Variants in TBC1D8 observed in about 807,000 individuals in gnomAD.
TBC1D8 encodes the protein BUB2-like protein 1.
In TBC1D8, 65 loss-of-function variants were observed where a neutral mutation model predicts 118.8. The ratio of observed to expected loss-of-function variants is 0.55; its 90% CI spans 0.45 to 0.67. The LOEUF is 0.67. Ranked by LOEUF, TBC1D8 falls within the 30% of genes least tolerant of loss-of-function variation. The pLI is 0.00. For missense variants in TBC1D8, 1,376 were observed against 1,471.2 expected, an observed-to-expected ratio of 0.94 and a Z score of 1.06; for synonymous variants, 566 against 595.8, an observed-to-expected ratio of 0.95 and a Z score of 0.73.
rs759599916 is a variant in TBC1D8 at position 101,022,422 on chromosome 2, G to C, written c.2620C>G (p.Arg874Gly). ...PYAEQYRIDA[R>G]QFAHLFQLVS... ...AGCTGAAACAGGTGTGCAAACTGCC[G>C]GGCATCTATGCGGTACTGCTCAGCA... Residue 874 changes from arginine (R) to glycine (G), a missense_variant, in exon 16 of 20, where the codon CGG becomes GGG. Arg to Gly is a moderately radical substitution (Grantham distance 125, BLOSUM62 -2). Coordinates refer to ENST00000409318, the MANE Select transcript of TBC1D8 (RefSeq NM_001330348.2). 6.2e-7 allele frequency: 1 copy of C among 1,613,234 alleles called. No homozygotes were observed. The highest frequency in any genetic ancestry group is 1.7e-5 in the Admixed American group (1 of 59,764).
intron 7 of TBC1D8, 121 bp from the exon 8 acceptor site, chr2:101,037,829 A>AGG: frequency 8.0e-7 from 1 of 1,247,022 alleles, no homozygotes; most frequent in African/African-American, 1.5e-5. Flanking sequence ...TCAATGACTC[A>AGG]GGGGGAAGAC....
chr2:101,132,334 C>T (rs186970603), intron 1 of TBC1D8, among the ~76,000 whole-genome samples: 35 of 152,312 alleles, frequency 2.3e-4, no homozygotes, highest in Non-Finnish European at 4.7e-4. Flanking sequence ...GAGCAGTCAT[C>T]AACTCCAGTG....
chr2:101,042,572 A>C (rs1210444451), intron 5 of TBC1D8, among the ~76,000 whole-genome samples: 6 of 152,196 alleles, frequency 3.9e-5, no homozygotes, highest in Non-Finnish European at 5.9e-5. Flanking sequence ...GGTAAAACAG[A>C]AACTAGGCAT....
Position 101,028,297 on chromosome 2 carries a change from C to T in TBC1D8, c.2352+6G>A, listed in dbSNP as rs556696153. 9.3e-6 allele frequency: 15 copies of T among 1,609,740 alleles called. No individual in the cohort carries two copies. The highest frequency in any genetic ancestry group is 6.7e-5 in the East Asian group (3 of 44,786). ...CAACGGGGCATGGGGCGGGGGTTCC[C>T]GTTACCTCATAGGAATCCCGGATCA... On this transcript the variant is annotated splice_donor_region_variant and intron_variant, in intron 13 of 19. Transcript: ENST00000409318.
At position 101,061,764 on chromosome 2, in the gene TBC1D8, G is replaced by A. The variant is rs191208457; in HGVS notation, c.284-2225C>T. On this transcript the variant is annotated intron_variant, in intron 2 of 19. Coordinates refer to ENST00000409318, the MANE Select transcript of TBC1D8 (RefSeq NM_001330348.2). ...AGCTTCCTCTGAGGTGAGGGGTCCC[G>A]GTCCTCTTGCTCTCCACTTCCTGCC... 8.5e-5 allele frequency among the ~76,000 whole-genome samples: 13 copies of A among 152,270 alleles called. No homozygotes were observed. The East Asian group carries it at 9.7e-4, about 11-fold the overall frequency.
At chr2:101,138,295 G>A (rs1277837643) in intron 1 of TBC1D8, among the ~76,000 whole-genome samples, 13 of 151,862 alleles carry the variant, frequency 8.6e-5, no homozygotes, top group Admixed American at 8.5e-4. Context: ...AATTGTTTTG[G>A]TGGTAAAAGA....
intron 2 of TBC1D8, among the ~76,000 whole-genome samples, chr2:101,065,727 T>C (rs1682977210): frequency 6.6e-6 from 1 of 152,168 alleles, no homozygotes; most frequent in Non-Finnish European, 1.5e-5. Flanking sequence ...TCAAGTGAAA[T>C]TAAAGAGTCC....
intron 17 of TBC1D8, among the ~76,000 whole-genome samples, chr2:101,017,429 C>G (rs1311218733): frequency 6.6e-6 from 1 of 152,090 alleles, no homozygotes; most frequent in Non-Finnish European, 1.5e-5. Flanking sequence ...TTGTTTACAC[C>G]AGCATCATCA....
intron 1 of TBC1D8, among the ~76,000 whole-genome samples, chr2:101,141,981 G>A (rs1679126319): frequency 6.6e-6 from 1 of 152,110 alleles, no homozygotes; most frequent in Non-Finnish European, 1.5e-5. Context: ...GTATCTTAGT[G>A]GTTCTAAGAT....
At position 101,073,079 on chromosome 2, in the gene TBC1D8, G is replaced by C. The variant is rs146653408; in HGVS notation, c.284-13540C>G. On this transcript the variant is annotated intron_variant, in intron 2 of 19. Transcript: ENST00000409318. The stretch of plus-strand genomic sequence containing the variant: ...AGAATACATTTACCATAGTTCTTAA[G>C]GGCCCTAGGATTTTCAGAATGGTCA... 1.3e-3 allele frequency among the ~76,000 whole-genome samples: 191 copies of C among 152,138 alleles called. 3 individuals are homozygous for C. The highest frequency in any genetic ancestry group is 1.5e-3 in the East Asian group (8 of 5,164).
chr2:101,007,740 G>T lies in TBC1D8; in HGVS notation c.*81C>A. The T allele has an allele frequency of 2.8e-6, 4 of 1,424,892 alleles. No individual in the cohort carries two copies. The highest frequency in any genetic ancestry group is 2.9e-6 in the Non-Finnish European group (3 of 1,043,920). The allele number at this position is 1,424,892 out of a possible 1,614,324, so 88.3% of individuals were successfully genotyped here. Reference sequence around the variant, plus strand: ...CATTGGTAAGGTAGACTGAAATCTCGGTTTAGGGCTGACCCCAAGAAACAG... The same window carrying T: ...CATTGGTAAGGTAGACTGAAATCTCTGTTTAGGGCTGACCCCAAGAAACAG... On this transcript the variant is annotated 3_prime_UTR_variant, in exon 20 of 20. Coordinates refer to ENST00000409318, the MANE Select transcript of TBC1D8 (RefSeq NM_001330348.2).
intron 1 of TBC1D8, among the ~76,000 whole-genome samples, chr2:101,135,678 T>C (rs769553899): frequency 2.6e-5 from 4 of 152,262 alleles, no homozygotes; most frequent in African/African-American, 4.8e-5. Flanking sequence ...CCTGAGTTCA[T>C]GGAAGGGCTG....
Position 101,011,555 on chromosome 2 carries a change from A to G in TBC1D8, c.2828-15T>C, listed in dbSNP as rs1350550231. 3.1e-6 allele frequency: 5 copies of G among 1,613,706 alleles called. No individual in the cohort carries two copies. In the East Asian group the frequency reaches 6.7e-5, roughly 22 times the overall value. ...TTCAGTGAGTGCTTAAAAAAAGATG[A>G]GAGGTTTAAATTAAACAAATTTTCT... On this transcript the variant is annotated splice_polypyrimidine_tract_variant and intron_variant, in intron 17 of 19. Coordinates refer to ENST00000409318, the MANE Select transcript of TBC1D8 (RefSeq NM_001330348.2).
chr2:101,049,511 G>A (rs967586447), intron 5 of TBC1D8, among the ~76,000 whole-genome samples: 8 of 152,032 alleles, frequency 5.3e-5, no homozygotes, highest in African/African-American at 1.7e-4. Context: ...GGTGGAACAT[G>A]TGGTCAGGAG....
rs148567757 is a variant in TBC1D8 at position 101,107,137 on chromosome 2, G to A, written c.128-16773C>T. Among the ~76,000 whole-genome samples the A allele has an allele frequency of 6.6e-5, 10 of 152,298 alleles. No individual in the cohort carries two copies. The East Asian group carries it at 1.9e-3, about 29-fold the overall frequency. Reference sequence around the variant, plus strand: ...CGTGAGAGCCAGGTTTCTCACTTCTGCAGTAGGAGCTTATAGACAGGCAAG... The same window carrying A: ...CGTGAGAGCCAGGTTTCTCACTTCTACAGTAGGAGCTTATAGACAGGCAAG... On this transcript the variant is annotated intron_variant, in intron 1 of 19. Coordinates refer to ENST00000409318, the MANE Select transcript of TBC1D8 (RefSeq NM_001330348.2).
At chr2:101,056,466 G>T (rs1682440895) in intron 3 of TBC1D8, among the ~76,000 whole-genome samples, 1 of 152,062 alleles carries the variant, frequency 6.6e-6, no homozygotes. Context: ...AAAGTGCTGG[G>T]ATTATAGGCG....
intron 17 of TBC1D8, among the ~76,000 whole-genome samples, chr2:101,013,677 A>G (rs902411764): frequency 2.6e-5 from 4 of 152,184 alleles, no homozygotes; most frequent in Admixed American, 1.3e-4. Context: ...TCTATTTTCT[A>G]TATCATTGTC....
At position 101,054,220 on chromosome 2, in the gene TBC1D8, C is replaced by T. The variant is rs765831325; in HGVS notation, c.519G>A (p.Lys173=). The T allele has an allele frequency of 6.2e-7, 1 of 1,611,378 alleles. No individual in the cohort carries two copies. The highest frequency in any genetic ancestry group is 8.5e-7 in the Non-Finnish European group (1 of 1,178,918). ...AGCAGCAGGAGTAGTAGGTGACCAG[C>T]TTCTCCGCCTCGGGGAAGTTGAACC... is the stretch of plus-strand genomic sequence containing the variant. ...EARFNFPEAE[K]LVTYYSCCCW... Residue 173 remains lysine (K), a synonymous_variant, in exon 4 of 20, where the codon AAG becomes AAA. Transcript: ENST00000409318.
chr2:101,029,414 CCCA>C (rs901215317), intron 12 of TBC1D8, 74 bp downstream of exon 12: 3 of 1,475,214 alleles, frequency 2.0e-6, no homozygotes, highest in Non-Finnish European at 2.7e-6. Context: ...AAAAAACTTC[CCCA>C]CCGATAGCCC....
Sources: allele counts gnomAD v4.1 joint callset (sites outside exome capture counted in the v4.1 genomes callset), GRCh38; gene constraint gnomAD v4.1.1; transcripts MANE v1.5; gene names NCBI Gene and HGNC (gene_info 2026-07-23, HGNC 2026-07-21).